LIPE: variants seen among roughly 807,000 people sequenced by gnomAD.
The protein encoded by LIPE is lipase E, hormone sensitive type.
Under a neutral mutation model 88.5 loss-of-function variants are expected in LIPE, and 66 were observed. The observed-to-expected ratio is 0.75, with a 90% CI of 0.61 to 0.91. The LOEUF is 0.91. Ranked by LOEUF, LIPE falls within the 40% of genes least tolerant of loss-of-function variation. LIPE has a pLI of 0.00. For missense variants in LIPE, 1,346 were observed against 1,434.7 expected, an observed-to-expected ratio of 0.94 and a Z score of 1.00; for synonymous variants, 570 against 617.5, an observed-to-expected ratio of 0.92 and a Z score of 1.14.
intron 9 of LIPE, 103 bp from the exon 10 acceptor site, chr19:42,402,178 C>A: frequency 8.7e-7 from 1 of 1,144,978 alleles, no homozygotes; most frequent in Non-Finnish European, 1.2e-6. Flanking sequence ...GCGGGAAATA[C>A]GGATACAGAC....
At chr19:42,405,274 G>T (rs2040132401) in intron 8 of LIPE, 111 bp downstream of exon 8, 1 of 1,119,314 alleles carries the variant, frequency 8.9e-7, no homozygotes, top group Non-Finnish European at 1.3e-6. Context: ...CAAAGTGCTG[G>T]GATTGCAGGT....
chr19:42,426,445 T>G lies in LIPE; in HGVS notation c.705A>C (p.Glu235Asp), dbSNP rs1452434109. 6.2e-7 allele frequency: 1 copy of G among 1,614,072 alleles called. No homozygotes were observed. The highest frequency in any genetic ancestry group is 2.2e-5 in the East Asian group (1 of 44,872). ...TGTCTGAAGATGATCCCACATCTGA[T>G]TCTGACTCAGAATCTGTGACCCACT... ...LSEWVTDSES[E>D]SDVGSSSDTD... is the part of the protein sequence containing the mutation. The change falls in exon 1 of 10, where the codon GAA becomes GAC. Residue 235 changes from glutamate (E) to aspartate (D), a missense_variant. Glu to Asp is a conservative substitution (Grantham distance 45). Coordinates refer to ENST00000244289, the MANE Select transcript of LIPE (RefSeq NM_005357.4).
chr19:42,424,655 C>T (rs531127779), intron 1 of LIPE: 5 of 456,258 alleles, frequency 1.1e-5, no homozygotes, highest in African/African-American at 6.0e-5. Flanking sequence ...GCGGAGGGGC[C>T]GCCATTGCCT....
intron 2 of LIPE, among the ~76,000 whole-genome samples, chr19:42,409,400 C>CAAAAAAAAAAAAAAAA (rs760628566): frequency 2.7e-5 from 2 of 72,838 alleles, no homozygotes; most frequent in Admixed American, 2.6e-4. Flanking sequence ...AAACAAAATA[C>CAAAAAAAAAAAAAAAA]AAAAAAAAAA....
chr19:42,411,426 G>A (rs755937881), intron 1 of LIPE: 3 of 657,962 alleles, frequency 4.6e-6, no homozygotes, highest in Non-Finnish European at 5.7e-6. Context: ...CAGGACCCAG[G>A]AGTCCGGGTC....
At chr19:42,412,582 C>T (rs2040405910) in intron 1 of LIPE, 2 of 986,998 alleles carry the variant, frequency 2.0e-6, no homozygotes, top group African/African-American at 3.5e-5. Context: ...CTCCCAGACT[C>T]AGCTCAACTG....
In LIPE at chr19:42,412,196, C is replaced by G. The variant is rs557591516; in HGVS notation, c.884-1354G>C. The G allele has an allele frequency of 8.1e-6, 7 of 860,304 alleles. No homozygotes were observed. In the South Asian group the frequency reaches 2.1e-4, roughly 26 times the overall value. The allele number at this position is 860,304 out of a possible 1,614,324, so 53.3% of individuals were successfully genotyped here. ...CCTGTTTCTTGGATGCCCTGTCACC[C>G]AGGTCCTGAACAAGCTGCCCTTGGT... On this transcript the variant is annotated intron_variant, in intron 1 of 9. Transcript: ENST00000244289.
chr19:42,407,286 G>A lies in LIPE; in HGVS notation c.2025C>T (p.Gly675=), dbSNP rs774026981. ...PYLKSWAQEL[G]APIISIDYSL... ...AGTAGTCGATGGAGATGATGGGGGC[G>A]CCCAGCTCCTGGGCCCAGCTCTTGA... The change falls in exon 6 of 10, where the codon GGC becomes GGT. Residue 675 remains glycine (G), a synonymous_variant. Coordinates refer to ENST00000244289, the MANE Select transcript of LIPE (RefSeq NM_005357.4). The surrounding 1 kb of genome is among the most constrained non-coding windows in gnomAD (Gnocchi z 5.8). 19 of 1,608,768 alleles carry A rather than the reference G, an allele frequency of 1.2e-5. No individual in the cohort carries two copies. The Middle Eastern group carries it at 4.9e-4, about 42-fold the overall frequency.
Position 42,410,304 on chromosome 19 carries a change from C to T in LIPE, c.1419+3G>A, listed in dbSNP as rs111422915. On this transcript the variant is annotated splice_donor_region_variant and intron_variant, in intron 2 of 9. Coordinates refer to ENST00000244289, the MANE Select transcript of LIPE (RefSeq NM_005357.4). The surrounding 1 kb of genome is among the most constrained non-coding windows in gnomAD (Gnocchi z 6.1). ...CCAGAGGGGCACGGGGCAGGGGGCT[C>T]ACCTGGAAGCCCAGGCAGCGGCCAT... The T allele has an allele frequency of 1.3e-6, 2 of 1,566,154 alleles. No homozygotes were observed. Among genetic ancestry groups the T allele is most frequent in the South Asian group, 2.3e-5 (2 of 85,854 alleles).
At chr19:42,423,750 C>T (rs1467913350) in intron 1 of LIPE, 3 of 1,122,594 alleles carry the variant, frequency 2.7e-6, no homozygotes, top group African/African-American at 3.4e-5. Context: ...CGCCCCCTAC[C>T]GCGCATTAAA....
chr19:42,402,671 G>A lies in LIPE; in HGVS notation c.2903C>T (p.Pro968Leu). ...GGGTGCCAGCAGCGGCGACATGAAG[G>A]GGTTCTTGACTATGGGTGAGGAGTA... is the stretch of plus-strand genomic sequence containing the variant. ...PLYSSPIVKN[P>L]FMSPLLAPDS... Residue 968 changes from proline to leucine, a missense_variant, in exon 9 of 10, where the codon CCC becomes CTC. Transcript: ENST00000244289. 1.3e-6 allele frequency: 2 copies of A among 1,502,264 alleles called. No homozygotes were observed. The highest frequency in any genetic ancestry group is 8.9e-7 in the Non-Finnish European group (1 of 1,123,642). 93.1% of individuals were successfully genotyped at this position (1,502,264 alleles called of 1,614,324 possible).
Position 42,401,757 on chromosome 19 carries a change from C to A in LIPE, c.*55G>T. 7.6e-7 allele frequency: 1 copy of A among 1,324,170 alleles called. No individual in the cohort carries two copies. The allele number at this position is 1,324,170 out of a possible 1,614,324, so 82.0% of individuals were successfully genotyped here. On this transcript the variant is annotated 3_prime_UTR_variant, in exon 10 of 10. Transcript: ENST00000244289. Reference sequence around the variant, plus strand: ...AAGGCACAGCCCGCGTCCCCTTCCGCCCGGCCCGGAAGGCATTCATGACGG... The same window carrying A: ...AAGGCACAGCCCGCGTCCCCTTCCGACCGGCCCGGAAGGCATTCATGACGG...
chr19:42,407,277 G>T lies in LIPE; in HGVS notation c.2034C>A (p.Ile678=), dbSNP rs2040216300. Residue 678 remains isoleucine, a synonymous_variant, in exon 6 of 10, where the codon ATC becomes ATA. Coordinates refer to ENST00000244289, the MANE Select transcript of LIPE (RefSeq NM_005357.4). The surrounding 1 kb of genome is among the most constrained non-coding windows in gnomAD (Gnocchi z 5.8). The part of the protein sequence containing the change: ...KSWAQELGAP[I]ISIDYSLAPE... ...GGGCCAGGGAGTAGTCGATGGAGAT[G>T]ATGGGGGCGCCCAGCTCCTGGGCCC... 1 of 1,607,592 alleles carries T rather than the reference G, an allele frequency of 6.2e-7. No homozygotes were observed. Among genetic ancestry groups the T allele is most frequent in the Non-Finnish European group, 8.5e-7 (1 of 1,177,256 alleles).
At chr19:42,421,105 C>T (rs1463374621) in intron 1 of LIPE, among the ~76,000 whole-genome samples, 1 of 152,108 alleles carries the variant, frequency 6.6e-6, no homozygotes, top group Non-Finnish European at 1.5e-5. Context: ...CGCTATGTTG[C>T]CCACGCTGGC....
chr19:42,401,824 C>A lies in LIPE; in HGVS notation c.3219G>T (p.Gly1073=). The A allele has an allele frequency of 1.3e-6, 2 of 1,482,380 alleles. No individual in the cohort carries two copies. The highest frequency in any genetic ancestry group is 2.7e-5 in the South Asian group (2 of 75,286). 91.8% of individuals were successfully genotyped at this position (1,482,380 alleles called of 1,614,324 possible). The change falls in exon 10 of 10, where the codon GGG becomes GGT. Residue 1073 remains glycine, a synonymous_variant. Coordinates refer to ENST00000244289, the MANE Select transcript of LIPE (RefSeq NM_005357.4). ...TGAAGVDGGC[G]GRH is the part of the protein sequence containing the mutation. ...GAACAACAGGCTTTTAGTGTCGCCC[C>A]CCGCAGCCCCCGTCTACCCCCGCAG... is the stretch of plus-strand genomic sequence containing the variant.
At chr19:42,405,699 G>C in intron 7 of LIPE, 138 bp from the exon 8 acceptor site, 2 of 818,588 alleles carry the variant, frequency 2.4e-6, no homozygotes, top group South Asian at 1.8e-5. Context: ...GCTGGGCGCA[G>C]TGGCTCACGC....
rs1229001383 is a variant in LIPE, at chr19:42,427,093, C to G, written c.57G>C (p.Gln19His). 6.2e-7 allele frequency: 1 copy of G among 1,613,240 alleles called. No individual in the cohort carries two copies. The highest frequency in any genetic ancestry group is 8.5e-7 in the Non-Finnish European group (1 of 1,179,854). ...CAGGCTCTAGCGGGGTTATAGGCCT[C>G]TGGTGTGGTTCAGGTTGCCAGTCTG... ...SRSDWQPEPH[Q>H]RPITPLEPGP... The change falls in exon 1 of 10, where the codon CAG (glutamine) becomes CAC (histidine). Residue 19 changes from glutamine to histidine, a missense_variant. Coordinates refer to ENST00000244289, the MANE Select transcript of LIPE (RefSeq NM_005357.4).
intron 1 of LIPE, chr19:42,423,315 AC>A (rs567177905): frequency 1.1e-5 from 9 of 848,922 alleles, no homozygotes; most frequent in East Asian, 7.2e-5. Context: ...CAGTCCGCGG[AC>A]CCCCCCAACT....
At position 42,406,162 on chromosome 19, in the gene LIPE, A is replaced by T; in HGVS notation, c.2364T>A (p.Ala788=). The change falls in exon 7 of 10, where the codon GCT becomes GCA. Residue 788 remains alanine, a splice_region_variant and synonymous_variant. Coordinates refer to ENST00000244289, the MANE Select transcript of LIPE (RefSeq NM_005357.4). The surrounding 1 kb of genome is among the most constrained non-coding windows in gnomAD (Gnocchi z 5.7). Reference sequence around the variant, plus strand: ...CCCTGCTGAGGGTGTGGGCCTCACCAGCATAGGCGCTGACACACTTGGAGA... The same window carrying T: ...CCCTGCTGAGGGTGTGGGCCTCACCTGCATAGGCGCTGACACACTTGGAGA... ...SVLSKCVSAY[A]GAKTEDHSNS... 1 of 1,602,140 alleles carries T rather than the reference A, an allele frequency of 6.2e-7. No individual in the cohort carries two copies. The highest frequency in any genetic ancestry group is 8.5e-7 in the Non-Finnish European group (1 of 1,170,484).
Sources: gnomAD v4.1 joint callset for allele counts (sites outside exome capture counted in the v4.1 genomes callset) on GRCh38, gnomAD v4.1.1 for gene constraint, Gnocchi (gnomAD v3.1) non-coding constraint, MANE v1.5 for transcripts, NCBI Gene and HGNC (gene_info 2026-07-23, HGNC 2026-07-21) for gene names.